The following SIPA1L3 variants were observed in gnomAD, a reference collection of about 807,000 sequenced individuals.
SIPA1L3 encodes signal induced proliferation associated 1 like 3.
SIPA1L3 carries 59 observed loss-of-function variants against 150.1 expected under a neutral mutation model. That is an observed-to-expected ratio of 0.39 (90% CI 0.32 to 0.49). The LOEUF is 0.49. SIPA1L3 is among the 20% of genes least tolerant of loss of function. The pLI is 0.86. For synonymous variants in SIPA1L3, 1,070 were observed against 1,077.6 expected (o/e 0.99, Z 0.14); for missense variants, 2,211 against 2,489.5 (o/e 0.89, Z 2.38).
chr19:38,063,513 T>C (rs1969500961), intron 2 of SIPA1L3, among the ~76,000 whole-genome samples: 2 of 152,232 alleles, frequency 1.3e-5, no homozygotes. Flanking sequence ...TTGTCGAATA[T>C]TGATTTAATC....
rs1970967360 is a variant in SIPA1L3 at position 38,119,510 on chromosome 19, T to C, written c.2496T>C (p.Cys832=). 3 of 1,614,004 alleles carry C rather than the reference T, an allele frequency of 1.9e-6. No individual in the cohort carries two copies. The highest frequency in any genetic ancestry group is 2.5e-6 in the Non-Finnish European group (3 of 1,180,022). Residue 832 remains cysteine, a synonymous_variant, in exon 9 of 22, where the codon TGT becomes TGC. Transcript: ENST00000222345. ...QEYLKDLAEN[C]VSNTPIDSTG... is the part of the protein sequence containing the mutation. ...ATCTCAAGGACCTGGCCGAAAACTGTGTCTCCAACACCCCCATCGACTCCA... is the reference window on the plus strand; with the variant it reads ...ATCTCAAGGACCTGGCCGAAAACTGCGTCTCCAACACCCCCATCGACTCCA...
intron 9 of SIPA1L3, among the ~76,000 whole-genome samples, chr19:38,121,993 G>C (rs945226527): frequency 1.2e-4 from 18 of 151,680 alleles, no homozygotes; most frequent in African/African-American, 4.4e-4. Context: ...GGCCGAGGTG[G>C]ATGGATTATT....
At chr19:38,098,347 C>T (rs970149907) in intron 4 of SIPA1L3, among the ~76,000 whole-genome samples, 1 of 151,924 alleles carries the variant, frequency 6.6e-6, no homozygotes, top group African/African-American at 2.4e-5. Flanking sequence ...ATTCTCATAC[C>T]ACTGCCCATC....
intron 10 of SIPA1L3, among the ~76,000 whole-genome samples, chr19:38,140,526 G>C (rs1971551362): frequency 6.6e-6 from 1 of 152,112 alleles, no homozygotes; most frequent in South Asian, 2.1e-4. Flanking sequence ...CTGGCCCTGA[G>C]TACCGCTAAG....
intron 1 of SIPA1L3, among the ~76,000 whole-genome samples, chr19:37,987,696 C>T (rs889501080): frequency 6.6e-6 from 1 of 152,208 alleles, no homozygotes; most frequent in Admixed American, 6.5e-5. Flanking sequence ...TCACTCACAT[C>T]GATGCTCAGG....
chr19:38,056,408 C>T (rs1351552548), intron 2 of SIPA1L3, among the ~76,000 whole-genome samples: 1 of 152,220 alleles, frequency 6.6e-6, no homozygotes, highest in East Asian at 1.9e-4. Context: ...ATCCCCCTCA[C>T]CCACTCACAC....
chr19:38,115,972 G>C (rs1970872814), intron 8 of SIPA1L3, among the ~76,000 whole-genome samples: 1 of 152,170 alleles, frequency 6.6e-6, no homozygotes, highest in African/African-American at 2.4e-5. Context: ...TGTCGCCCTT[G>C]TCTAGAGTTG....
intron 15 of SIPA1L3, among the ~76,000 whole-genome samples, chr19:38,167,897 C>T (rs1413308163): frequency 6.6e-6 from 1 of 152,144 alleles, no homozygotes; most frequent in Non-Finnish European, 1.5e-5. Context: ...AACATGTGGA[C>T]TCTTTTGAAT....
At chr19:37,962,919 T>C (rs1483196902) in intron 1 of SIPA1L3, among the ~76,000 whole-genome samples, 2 of 152,212 alleles carry the variant, frequency 1.3e-5, no homozygotes, top group African/African-American at 4.8e-5. Flanking sequence ...GTTTACTGAG[T>C]ATCCTGGGCT....
chr19:37,980,869 T>C (rs552212212), intron 1 of SIPA1L3, among the ~76,000 whole-genome samples: 19 of 152,226 alleles, frequency 1.2e-4, no homozygotes, highest in Non-Finnish European at 2.2e-4. Context: ...GCTCAAGAAG[T>C]GTGACCTGGT....
chr19:38,178,683 A>T (rs946259273), intron 15 of SIPA1L3, among the ~76,000 whole-genome samples: 2 of 152,024 alleles, frequency 1.3e-5, no homozygotes, highest in Admixed American at 1.3e-4. Context: ...TCACTGTGTT[A>T]GCCAGGATGG....
At chr19:38,154,065 C>A (rs1055930960) in intron 13 of SIPA1L3, among the ~76,000 whole-genome samples, 1 of 152,188 alleles carries the variant, frequency 6.6e-6, no homozygotes, top group Non-Finnish European at 1.5e-5. Context: ...GTTAGTACCC[C>A]CAAAGGAACC....
chr19:38,179,083 C>T (rs1177410391), intron 15 of SIPA1L3, among the ~76,000 whole-genome samples: 2 of 152,236 alleles, frequency 1.3e-5, no homozygotes, highest in African/African-American at 4.8e-5. Flanking sequence ...GCTATTGTTT[C>T]TGTATGTCTA....
Position 38,119,912 on chromosome 19 carries a change from C to G in SIPA1L3, c.2868+30C>G, listed in dbSNP as rs764175658. ...GGGAGAGAGCCCGGCGATAGGGCGG[C>G]GATTTGTATGGTTTCGGCCTCAGGA... On this transcript the variant is annotated intron_variant, in intron 9 of 21. Transcript: ENST00000222345. 4 of 1,524,380 alleles carry G rather than the reference C, an allele frequency of 2.6e-6. 1 individual carries two copies. The South Asian group carries it at 3.6e-5, about 14-fold the overall frequency. The allele number at this position is 1,524,380 out of a possible 1,614,324, so 94.4% of individuals were successfully genotyped here.
rs146450731 is a variant in SIPA1L3 at position 38,164,625 on chromosome 19, C to T, written c.3927C>T (p.Ser1309=). ...DPLSKGGSSD[S]GIDTTLYTSS... ...TCTCCAAGGGTGGCTCTAGTGACAG[C>T]GGCATCGACACCACCCTCTACACCT... Residue 1309 remains serine, a synonymous_variant, in exon 15 of 22, where the codon AGC becomes AGT. Coordinates refer to ENST00000222345, the MANE Select transcript of SIPA1L3 (RefSeq NM_015073.3). This position sits in a 1 kb window ranked among gnomAD's most constrained non-coding sequence, Gnocchi z 4.1. The T allele has an allele frequency of 3.6e-5, 58 of 1,613,928 alleles. No individual in the cohort carries two copies. The highest frequency in any genetic ancestry group is 2.1e-4 in the African/African-American group (16 of 74,868).
In SIPA1L3 at chr19:38,119,805, G is replaced by A. The variant is rs374775279; in HGVS notation, c.2791G>A (p.Gly931Arg). Residue 931 changes from glycine to arginine, a missense_variant, in exon 9 of 22, where the codon GGA (glycine) becomes AGA (arginine). This residue lies in a region of SIPA1L3 where 625 missense variants were observed against 804.2 expected (regional missense o/e 0.78). Transcript: ENST00000222345. ...PDSSTLKIFY[G>R]RGDHIFLQAT... ...CTCCTCCACACTCAAAATCTTCTAT[G>A]GACGAGGAGACCACATCTTCCTACA... The A allele has an allele frequency of 3.2e-5, 52 of 1,613,666 alleles. No individual in the cohort carries two copies. Among genetic ancestry groups the A allele is most frequent in the Non-Finnish European group, 3.5e-5 (41 of 1,180,042 alleles).
Position 38,182,668 on chromosome 19 carries a change from A to G in SIPA1L3, c.4358A>G (p.Asn1453Ser), listed in dbSNP as rs1374848321. 6 of 1,614,128 alleles carry G rather than the reference A, an allele frequency of 3.7e-6. No individual in the cohort carries two copies. Among genetic ancestry groups the G allele is most frequent in the South Asian group, 1.1e-5 (1 of 91,080 alleles). ...TTCTTCTCCAAGCAGCCTGTACGCAATAAGCACCCAACAGGGTGGAAGAGA... is the reference window on the plus strand; with the variant it reads ...TTCTTCTCCAAGCAGCCTGTACGCAGTAAGCACCCAACAGGGTGGAAGAGA... ...KSFFSKQPVR[N>S]KHPTGWKRTE... The change falls in exon 16 of 22, where the codon AAT becomes AGT. Residue 1453 changes from asparagine (N) to serine (S), a missense_variant. Asn to Ser is a conservative substitution (Grantham distance 46, BLOSUM62 1). Around this residue, in one of 5 missense-constraint regions of SIPA1L3, gnomAD observed 806 missense variants for 870.1 expected, o/e 0.93. Transcript: ENST00000222345.
chr19:38,137,415 C>G (rs1971459779), intron 10 of SIPA1L3, among the ~76,000 whole-genome samples: 1 of 151,974 alleles, frequency 6.6e-6, no homozygotes, highest in African/African-American at 2.4e-5. Context: ...TCTTTAACTC[C>G]TGACCTCAGG....
chr19:37,952,385 A>T (rs191334792), intron 1 of SIPA1L3, among the ~76,000 whole-genome samples: 282 of 152,262 alleles, frequency 1.9e-3, no homozygotes, highest in Middle Eastern at 6.8e-3. Context: ...AATTTAAAAA[A>T]TTCTCTGCCA....
Sources: gnomAD v4.1 joint callset for allele counts (sites outside exome capture counted in the v4.1 genomes callset) on GRCh38, gnomAD v4.1.1 for gene constraint, gnomAD v4.1.1 regional missense constraint, Gnocchi (gnomAD v3.1) non-coding constraint, MANE v1.5 for transcripts, NCBI Gene and HGNC (gene_info 2026-07-23, HGNC 2026-07-21) for gene names.